Variants in NCKAP5 observed in about 807,000 individuals in gnomAD.
NCKAP5 encodes the protein nck-associated protein 5.
In NCKAP5, 92 loss-of-function variants were observed where a neutral mutation model predicts 167.0. The ratio of observed to expected loss-of-function variants is 0.55; its 90% CI spans 0.47 to 0.66. The LOEUF (loss-of-function observed/expected upper bound fraction) is 0.66, where lower values mean the gene tolerates loss of function less well. NCKAP5 is among the 30% of genes least tolerant of loss of function. NCKAP5 has a pLI of 0.00. For missense variants in NCKAP5, 2,378 were observed against 2,315.0 expected (o/e 1.03, Z -0.56); for synonymous variants, 891 against 877.4 (o/e 1.02, Z -0.27).
chr2:133,464,024 C>T, intron 3 of NCKAP5, among the ~76,000 whole-genome samples: 1 of 152,328 alleles, frequency 6.6e-6, no homozygotes, highest in South Asian at 2.1e-4. Context: ...TCAGCATCAT[C>T]ATGTGGAGTG....
chr2:132,991,610 A>G (rs962003618), intron 7 of NCKAP5, among the ~76,000 whole-genome samples: 2 of 152,238 alleles, frequency 1.3e-5, no homozygotes, highest in Non-Finnish European at 2.9e-5. Context: ...GAACACAGAA[A>G]GCTATTACTC....
At chr2:133,310,742 C>T (rs1225594762) in intron 3 of NCKAP5, among the ~76,000 whole-genome samples, 1 of 152,198 alleles carries the variant, frequency 6.6e-6, no homozygotes, top group South Asian at 2.1e-4. Context: ...ACATCTCAAG[C>T]ACTCAAAGGT....
intron 19 of NCKAP5, among the ~76,000 whole-genome samples, chr2:132,698,469 A>G (rs1481581122): frequency 6.6e-6 from 1 of 152,118 alleles, no homozygotes; most frequent in African/African-American, 2.4e-5. Flanking sequence ...TGGGGGAATG[A>G]TAAGGGGTAA....
At chr2:132,762,324 C>T (rs1236875006) in intron 16 of NCKAP5, among the ~76,000 whole-genome samples, 4 of 152,168 alleles carry the variant, frequency 2.6e-5, no homozygotes, top group Admixed American at 6.5e-5. Flanking sequence ...CAGGTTTTTG[C>T]GCTGAGGCAT....
At position 132,951,522 on chromosome 2, in the gene NCKAP5, A is replaced by G. The variant is rs1349625708; in HGVS notation, c.579+12198T>C. Among the ~76,000 whole-genome samples the G allele has an allele frequency of 2.6e-5, 4 of 152,082 alleles. No homozygotes were observed. The East Asian group carries it at 7.7e-4, about 29-fold the overall frequency. On this transcript the variant is annotated intron_variant, in intron 8 of 19. Coordinates refer to ENST00000409261, the MANE Select transcript of NCKAP5 (RefSeq NM_207363.3). ...CACACTGCTTTGGTTATAAAGTAAA[A>G]CTGCATATTTCCCACTCCCTTTGTA...
chr2:133,126,573 C>T (rs1361811142), intron 6 of NCKAP5, among the ~76,000 whole-genome samples: 2 of 152,162 alleles, frequency 1.3e-5, no homozygotes, highest in Non-Finnish European at 2.9e-5. Flanking sequence ...AAAGCAGCAG[C>T]CCTTGCAAGA....
rs561352963 is a variant in NCKAP5, at chr2:132,828,907, C to G, written c.807+31585G>C. On this transcript the variant is annotated intron_variant, in intron 11 of 19. Coordinates refer to ENST00000409261, the MANE Select transcript of NCKAP5 (RefSeq NM_207363.3). ...CCTTCCTAGAGCCCAAGCCTGAGGCCTGTGGAGGCTTGCTCTGGTTGTTAG... is the reference window on the plus strand; with the variant it reads ...CCTTCCTAGAGCCCAAGCCTGAGGCGTGTGGAGGCTTGCTCTGGTTGTTAG... Among the ~76,000 whole-genome samples, 95 of 152,298 alleles carry G rather than the reference C, an allele frequency of 6.2e-4. 1 individual carries two copies. Among genetic ancestry groups the G allele is most frequent in the African/African-American group, 1.9e-3 (81 of 41,570 alleles).
chr2:132,818,711 GA>G (rs1293586061), intron 11 of NCKAP5, among the ~76,000 whole-genome samples: 6 of 151,614 alleles, frequency 4.0e-5, no homozygotes, highest in South Asian at 2.1e-4. Context: ...AATTTGGATG[GA>G]AAAAAAATGC....
chr2:133,480,201 G>A (rs1167069054), intron 3 of NCKAP5, among the ~76,000 whole-genome samples: 1 of 152,000 alleles, frequency 6.6e-6, no homozygotes, highest in Non-Finnish European at 1.5e-5. Flanking sequence ...CAAAGTGCTG[G>A]GATTACACGT....
intron 6 of NCKAP5, among the ~76,000 whole-genome samples, chr2:133,047,140 A>T (rs1003253693): frequency 1.3e-5 from 2 of 152,314 alleles, no homozygotes; most frequent in South Asian, 4.1e-4. Context: ...CAAACTGTAC[A>T]CTGCCCTCAC....
At chr2:133,150,288 A>ACCT (rs2083342370) in intron 5 of NCKAP5, among the ~76,000 whole-genome samples, 1 of 152,216 alleles carries the variant, frequency 6.6e-6, no homozygotes, top group Non-Finnish European at 1.5e-5. Flanking sequence ...TATAGCGGAT[A>ACCT]CCTGCCTGTC....
intron 3 of NCKAP5, among the ~76,000 whole-genome samples, chr2:133,499,370 C>A (rs1416843647): frequency 2.6e-5 from 4 of 152,188 alleles, no homozygotes; most frequent in African/African-American, 7.2e-5. Flanking sequence ...CTGTCTCAGT[C>A]ATCTGTGGGT....
intron 19 of NCKAP5, among the ~76,000 whole-genome samples, chr2:132,675,050 G>A (rs1266522833): frequency 6.6e-6 from 1 of 152,178 alleles, no homozygotes; most frequent in Non-Finnish European, 1.5e-5. Context: ...CTCTTTACCT[G>A]GATGTCTTCT....
chr2:132,949,671 C>A (rs1203718135), intron 8 of NCKAP5, among the ~76,000 whole-genome samples: 6 of 152,166 alleles, frequency 3.9e-5, no homozygotes, highest in African/African-American at 1.4e-4. Flanking sequence ...ACTGGCTTTG[C>A]CATACCTACA....
intron 8 of NCKAP5, among the ~76,000 whole-genome samples, chr2:132,904,013 G>T (rs2148922365): frequency 6.6e-6 from 1 of 152,218 alleles, no homozygotes; most frequent in African/African-American, 2.4e-5. Flanking sequence ...TAATGGCCCG[G>T]CGCGGTGGCT....
At chr2:133,446,743 A>T (rs1054179088) in intron 3 of NCKAP5, among the ~76,000 whole-genome samples, 1 of 152,200 alleles carries the variant, frequency 6.6e-6, no homozygotes, top group Admixed American at 6.5e-5. Flanking sequence ...ACCAAAGCTA[A>T]GCTTGCATGT....
At chr2:133,194,425 C>T (rs1007024638) in intron 5 of NCKAP5, among the ~76,000 whole-genome samples, 1 of 152,092 alleles carries the variant, frequency 6.6e-6, no homozygotes, top group Non-Finnish European at 1.5e-5. Flanking sequence ...CAGGAACCAA[C>T]AAGTCAGTTT....
chr2:132,833,168 T>C (rs1375680733), intron 11 of NCKAP5, among the ~76,000 whole-genome samples: 2 of 152,166 alleles, frequency 1.3e-5, no homozygotes, highest in African/African-American at 4.8e-5. Flanking sequence ...TTGTATGCCC[T>C]CTTTTGAAAA....
At chr2:132,929,473 C>T (rs866806280) in intron 8 of NCKAP5, among the ~76,000 whole-genome samples, 10 of 152,262 alleles carry the variant, frequency 6.6e-5, no homozygotes, top group South Asian at 4.1e-4. Flanking sequence ...TAAAAATATA[C>T]TGTTAAAATT....
Sources: allele counts gnomAD v4.1 joint callset (sites outside exome capture counted in the v4.1 genomes callset), GRCh38; gene constraint gnomAD v4.1.1; transcripts MANE v1.5; gene names NCBI Gene and HGNC (gene_info 2026-07-23, HGNC 2026-07-21).